LRRFIP2: variants seen among roughly 807,000 people sequenced by gnomAD.
LRRFIP2 encodes leucine-rich repeat flightless-interacting protein 2.
In LRRFIP2, 109 loss-of-function variants were observed where a neutral mutation model predicts 125.9. The observed-to-expected ratio is 0.87, with a 90% CI of 0.74 to 1.01. The LOEUF (loss-of-function observed/expected upper bound fraction) is 1.01. LRRFIP2 is among the 50% of genes least tolerant of loss of function. The pLI is 0.00. For synonymous variants in LRRFIP2, 291 were observed against 293.1 expected, an observed-to-expected ratio of 0.99 and a Z score of 0.07; for missense variants, 850 against 862.3, an observed-to-expected ratio of 0.99 and a Z score of 0.18.
chr3:37,100,732 C>T (rs893825524), intron 15 of LRRFIP2, among the ~76,000 whole-genome samples: 1 of 152,046 alleles, frequency 6.6e-6, no homozygotes, highest in African/African-American at 2.4e-5. Context: ...TTTAAGAGAA[C>T]AGATGTAAAC....
chr3:37,127,247 A>T (rs1462641740), intron 4 of LRRFIP2, among the ~76,000 whole-genome samples: 3 of 152,222 alleles, frequency 2.0e-5, no homozygotes, highest in African/African-American at 7.2e-5. Flanking sequence ...TGATATAATA[A>T]GAGTAATTTT....
intron 25 of LRRFIP2, among the ~76,000 whole-genome samples, chr3:37,057,648 C>G (rs957708789): frequency 6.6e-6 from 1 of 151,870 alleles, no homozygotes; most frequent in African/African-American, 2.4e-5. Context: ...ATTATGGGTG[C>G]GGGCCACCAC....
intron 4 of LRRFIP2, among the ~76,000 whole-genome samples, chr3:37,126,868 A>AAAAGAAAG (rs556976086): frequency 1.0e-4 from 15 of 147,210 alleles, no homozygotes; most frequent in African/African-American, 3.7e-4. Flanking sequence ...TCAAAAAAAA[A>AAAAGAAAG]AAAGAAAGAA....
At chr3:37,173,196 TAA>T (rs1237501005) in intron 1 of LRRFIP2, among the ~76,000 whole-genome samples, 1 of 142,748 alleles carries the variant, frequency 7.0e-6, no homozygotes, top group African/African-American at 2.6e-5. Flanking sequence ...AGACTCCACC[TAA>T]AAAAAAAAAA....
At chr3:37,095,007 G>A in intron 16 of LRRFIP2, 99 bp from the exon 17 acceptor site, 1 of 768,288 alleles carries the variant, frequency 1.3e-6, no homozygotes, top group Non-Finnish European at 2.3e-6. Flanking sequence ...GAAGATGTGG[G>A]TTTCAGATGA....
At position 37,108,664 on chromosome 3, in the gene LRRFIP2, T is replaced by A; in HGVS notation, c.630A>T (p.Gly210=). Reference sequence around the variant, plus strand: ...TTCGAGGACCATAAGGGTTATATAATCCACCATTGTACAATGATGCCTAAG... The same window carrying A: ...TTCGAGGACCATAAGGGTTATATAAACCACCATTGTACAATGATGCCTAAG... ...SASLASLYNG[G]LYNPYGPRTP... is the part of the protein sequence containing the mutation. Residue 210 remains glycine, a synonymous_variant, in exon 12 of 28, where the codon GGA becomes GGT. Transcript: ENST00000336686. 4 of 1,610,578 alleles carry A rather than the reference T, an allele frequency of 2.5e-6. No homozygotes were observed. The highest frequency in any genetic ancestry group is 3.4e-6 in the Non-Finnish European group (4 of 1,176,982).
intron 4 of LRRFIP2, among the ~76,000 whole-genome samples, chr3:37,122,732 A>C (rs545788844): frequency 2.0e-5 from 3 of 152,336 alleles, no homozygotes; most frequent in African/African-American, 7.2e-5. Context: ...AGTTATCTCG[A>C]ATAATGCCAT....
intron 1 of LRRFIP2, among the ~76,000 whole-genome samples, chr3:37,164,657 G>C (rs184813563): frequency 3.4e-4 from 51 of 151,336 alleles, no homozygotes; most frequent in Non-Finnish European, 1.5e-4. Context: ...GGAGGCAGAG[G>C]TTGCAGTGAG....
intron 9 of LRRFIP2, 147 bp from the exon 10 acceptor site, chr3:37,109,850 C>G: frequency 1.5e-6 from 1 of 654,922 alleles, no homozygotes; most frequent in South Asian, 2.0e-5. Context: ...TTAAGAAACA[C>G]AAGAAATAAG....
chr3:37,092,467 C>G (rs982828387), intron 17 of LRRFIP2, among the ~76,000 whole-genome samples: 1 of 152,286 alleles, frequency 6.6e-6, no homozygotes, highest in East Asian at 1.9e-4. Flanking sequence ...ATTTAGGAGG[C>G]AGATGGTAGG....
intron 6 of LRRFIP2, among the ~76,000 whole-genome samples, chr3:37,118,106 C>T (rs950944766): frequency 1.3e-5 from 2 of 152,116 alleles, no homozygotes; most frequent in East Asian, 1.9e-4. Context: ...ACTTTTTCTT[C>T]GTTTTTATGC....
At position 37,102,963 on chromosome 3, in the gene LRRFIP2, G is replaced by A. The variant is rs896885323; in HGVS notation, c.834C>T (p.Val278=). 6.4e-7 allele frequency: 1 copy of A among 1,566,110 alleles called. No homozygotes were observed. Among genetic ancestry groups the A allele is most frequent in the Non-Finnish European group, 8.7e-7 (1 of 1,153,556 alleles). Residue 278 remains valine (V), a synonymous_variant, in exon 15 of 28, where the codon GTC becomes GTT. Coordinates refer to ENST00000336686, the MANE Select transcript of LRRFIP2 (RefSeq NM_006309.4). ...GGATACTGATATCATCCACCTCAGA[G>A]ACAACACTTCCCCTACGATTGGAGC... ...FSRSNRRGSV[V]SEVDDISIPD... is the part of the protein sequence containing the mutation.
chr3:37,076,570 G>T (rs1030990001), intron 19 of LRRFIP2, among the ~76,000 whole-genome samples: 2 of 150,800 alleles, frequency 1.3e-5, no homozygotes, highest in African/African-American at 4.9e-5. Context: ...GAATGGCAGA[G>T]AATCTCTAAA....
intron 6 of LRRFIP2, among the ~76,000 whole-genome samples, chr3:37,121,267 G>T (rs6780799): frequency 4.6e-5 from 7 of 152,074 alleles, no homozygotes; most frequent in Middle Eastern, 3.4e-3. Flanking sequence ...AAAAGAGATT[G>T]GACCCATGTT....
chr3:37,053,874 T>G lies in LRRFIP2; in HGVS notation c.2143A>C (p.Thr715Pro). ...TCCTACTGCTGGGCCAGAAGTGCTGTCCTATTGGCCTTCATCTTCTCCAGC... is the reference window on the plus strand; with the variant it reads ...TCCTACTGCTGGGCCAGAAGTGCTGGCCTATTGGCCTTCATCTTCTCCAGC... ...KRLEKMKANR[T>P]ALLAQQ The change falls in exon 28 of 28, where the codon ACA becomes CCA. Residue 715 changes from threonine (T) to proline (P), a missense_variant. Physicochemically the swap from Thr to Pro is conservative, Grantham distance 38. Transcript: ENST00000336686. The G allele has an allele frequency of 6.2e-7, 1 of 1,613,886 alleles. No individual in the cohort carries two copies. The highest frequency in any genetic ancestry group is 8.5e-7 in the Non-Finnish European group (1 of 1,179,742).
chr3:37,114,102 T>C (rs989605022), intron 7 of LRRFIP2, among the ~76,000 whole-genome samples: 56 of 127,716 alleles, frequency 4.4e-4, no homozygotes, highest in African/African-American at 1.5e-3. Flanking sequence ...GATTAAAAAC[T>C]CATTTTACTT....
chr3:37,148,196 G>C (rs1245598769), intron 2 of LRRFIP2, among the ~76,000 whole-genome samples: 1 of 152,034 alleles, frequency 6.6e-6, no homozygotes, highest in Non-Finnish European at 1.5e-5. Context: ...ATTATAACAA[G>C]TACATGGAAC....
chr3:37,067,433 C>T (rs138401599), intron 21 of LRRFIP2: 87 of 152,332 alleles, frequency 5.7e-4, no homozygotes, highest in Non-Finnish European at 4.7e-4. Flanking sequence ...AGCCTTTCCC[C>T]AAATATTTTT....
chr3:37,083,678 T>C lies in LRRFIP2; in HGVS notation c.1236A>G (p.Glu412=). The C allele has an allele frequency of 6.3e-7, 1 of 1,580,684 alleles. No homozygotes were observed. Among genetic ancestry groups the C allele is most frequent in the Non-Finnish European group, 8.6e-7 (1 of 1,168,692 alleles). Residue 412 remains glutamate (E), a synonymous_variant, in exon 19 of 28, where the codon GAA becomes GAG. Coordinates refer to ENST00000336686, the MANE Select transcript of LRRFIP2 (RefSeq NM_006309.4). ...TLKDVIEEQE[E]QMAEFYRENE... ...TTTCTCTATAAAATTCTGCCATCTG[T>C]TCCTCCTGCTCTTCAATAACATCCT...
Sources: gnomAD v4.1 joint callset for allele counts (sites outside exome capture counted in the v4.1 genomes callset) on GRCh38, gnomAD v4.1.1 for gene constraint, MANE v1.5 for transcripts, NCBI Gene and HGNC (gene_info 2026-07-23, HGNC 2026-07-21) for gene names.